Variants in FUT8 observed in about 807,000 individuals in gnomAD.
FUT8 encodes alpha-(1,6)-fucosyltransferase.
FUT8 carries 29 observed loss-of-function variants against 71.3 expected under a neutral mutation model. The observed-to-expected ratio is 0.41, with a 90% CI of 0.30 to 0.55. FUT8 has a LOEUF of 0.55. Among genes scored for constraint, FUT8 ranks in the 20% least tolerant of loss-of-function variants. FUT8 has a pLI of 0.34. For synonymous variants in FUT8, 254 were observed against 239.3 expected (o/e 1.06, Z -0.57); for missense variants, 544 against 702.1 (o/e 0.77, Z 2.55).
chr14:65,656,339 A>G (rs926075528), intron 6 of FUT8, among the ~76,000 whole-genome samples: 1 of 152,220 alleles, frequency 6.6e-6, no homozygotes, highest in African/African-American at 2.4e-5. Context: ...TCTATATGCC[A>G]ACAGTGAGCA....
At chr14:65,360,309 T>C in the FUT8 span, among the ~76,000 whole-genome samples, 1 of 152,236 alleles carries the variant, frequency 6.6e-6, no homozygotes, top group Non-Finnish European at 1.5e-5. Flanking sequence ...ATACCAATAA[T>C]AGAAATGTGG....
chr14:65,506,214 T>A (rs2066731790), intron 2 of FUT8, among the ~76,000 whole-genome samples: 1 of 152,212 alleles, frequency 6.6e-6, no homozygotes, highest in Non-Finnish European at 1.5e-5. Context: ...ACCTTGAATT[T>A]TAATTGGTAT....
At chr14:65,440,657 A>G (rs930713180) in intron 1 of FUT8, among the ~76,000 whole-genome samples, 2 of 151,994 alleles carry the variant, frequency 1.3e-5, no homozygotes, top group African/African-American at 4.8e-5. Flanking sequence ...TGAAGTTTAA[A>G]CATTGTATCC....
intron 6 of FUT8, among the ~76,000 whole-genome samples, chr14:65,665,235 A>G (rs951678100): frequency 1.3e-5 from 2 of 152,166 alleles, no homozygotes; most frequent in Admixed American, 6.6e-5. Context: ...TAAAATTGTG[A>G]AGATAGATGG....
chr14:65,657,424 G>A (rs142980614), intron 6 of FUT8, among the ~76,000 whole-genome samples: 25 of 152,088 alleles, frequency 1.6e-4, no homozygotes, highest in East Asian at 1.3e-3. Flanking sequence ...CAACCTAAGC[G>A]CCCATCAGCA....
intron 7 of FUT8, among the ~76,000 whole-genome samples, chr14:65,720,923 G>T (rs1895381731): frequency 1.3e-5 from 2 of 152,078 alleles, no homozygotes. Flanking sequence ...GCTGTGACAT[G>T]GTAACACTGA....
At chr14:65,726,735 C>A (rs144187228) in intron 9 of FUT8, among the ~76,000 whole-genome samples, 14 of 152,250 alleles carry the variant, frequency 9.2e-5, no homozygotes, top group African/African-American at 3.4e-4. Context: ...TCCCAACAGT[C>A]CCCCCGGAGT....
At chr14:65,684,973 A>G (rs1402086292) in intron 7 of FUT8, among the ~76,000 whole-genome samples, 2 of 152,208 alleles carry the variant, frequency 1.3e-5, no homozygotes, top group Non-Finnish European at 2.9e-5. Flanking sequence ...AATTAGTTTA[A>G]TTTAAATTAA....
chr14:65,738,187 A>C (rs1194157545), intron 10 of FUT8, among the ~76,000 whole-genome samples: 1 of 152,132 alleles, frequency 6.6e-6, no homozygotes, highest in Non-Finnish European at 1.5e-5. Context: ...ACAACAAAGA[A>C]AAGACCTGGG....
At chr14:65,694,766 C>T (rs990751973) in intron 7 of FUT8, among the ~76,000 whole-genome samples, 6 of 151,464 alleles carry the variant, frequency 4.0e-5, no homozygotes, top group Admixed American at 2.6e-4. Context: ...AATTGGAAAT[C>T]ATCATTCTCA....
intron 3 of FUT8, among the ~76,000 whole-genome samples, chr14:65,602,305 AATTC>A (rs1888328016): frequency 7.5e-6 from 1 of 132,812 alleles, no homozygotes; most frequent in Admixed American, 8.4e-5. Context: ...AATGCCATTA[AATTC>A]ATTCATTTTC....
chr14:65,602,343 T>TCACACACACACACA (rs1163052408), intron 3 of FUT8, among the ~76,000 whole-genome samples: 1 of 48,460 alleles, frequency 2.1e-5, no homozygotes, highest in Non-Finnish European at 4.0e-5. Context: ...GTTCCATCTC[T>TCACACACACACACA]CACACACACA....
intron 1 of FUT8, among the ~76,000 whole-genome samples, chr14:65,449,320 T>G (rs960272708): frequency 6.6e-6 from 1 of 152,238 alleles, no homozygotes; most frequent in African/African-American, 2.4e-5. Context: ...TGAATTCGTT[T>G]TTGTTGAAAT....
the FUT8 span, among the ~76,000 whole-genome samples, chr14:65,389,923 A>G: frequency 8.6e-5 from 13 of 151,320 alleles, 1 homozygote; most frequent in East Asian, 2.5e-3. Flanking sequence ...TGGGCGGATC[A>G]TGAGGTCAGG....
intron 7 of FUT8, among the ~76,000 whole-genome samples, chr14:65,677,434 T>C (rs75968934): frequency 0.018 from 2,689 of 152,186 alleles, 80 homozygotes; most frequent in African/African-American, 0.061. Flanking sequence ...AAGTTTAGTC[T>C]CCTATTATAA....
chr14:65,695,668 TC>T (rs1193632840), intron 7 of FUT8, among the ~76,000 whole-genome samples: 2 of 152,122 alleles, frequency 1.3e-5, no homozygotes, highest in African/African-American at 4.8e-5. Flanking sequence ...TAGTTGGTCT[TC>T]TTTTTTTTTT....
At chr14:65,375,927 CA>C in the FUT8 span, among the ~76,000 whole-genome samples, 1 of 142,370 alleles carries the variant, frequency 7.0e-6, no homozygotes, top group African/African-American at 2.5e-5. Context: ...TCCGTCTCTA[CA>C]AAAAACACAA....
At position 65,717,790 on chromosome 14, in the gene FUT8, C is replaced by T. The variant is rs150019287; in HGVS notation, c.836-3985C>T. Among the ~76,000 whole-genome samples, 1,420 of 152,160 alleles carry T rather than the reference C, an allele frequency of 9.3e-3. 29 individuals carry two copies. The highest frequency in any genetic ancestry group is 0.091 in the East Asian group (468 of 5,148). ...GGCACTCCTCAGTTCCCAGACGGGGCGGCCAGGCAGAGGCGCTCCTCACCT... is the reference window on the plus strand; with the variant it reads ...GGCACTCCTCAGTTCCCAGACGGGGTGGCCAGGCAGAGGCGCTCCTCACCT... On this transcript the variant is annotated intron_variant, in intron 7 of 10. Coordinates refer to ENST00000673929, the MANE Select transcript of FUT8 (RefSeq NM_001371533.1).
At chr14:65,386,837 A>ATTTTTTTTTT in the FUT8 span, among the ~76,000 whole-genome samples, 1 of 82,016 alleles carries the variant, frequency 1.2e-5, no homozygotes, top group Non-Finnish European at 2.5e-5. Flanking sequence ...TCTTCCTTTA[A>ATTTTTTTTTT]TTTTTTTTTT....
Sources: allele counts gnomAD v4.1 joint callset (sites outside exome capture counted in the v4.1 genomes callset), GRCh38; gene constraint gnomAD v4.1.1; transcripts MANE v1.5; gene names NCBI Gene and HGNC (gene_info 2026-07-23, HGNC 2026-07-21).